LMBRD1: variants seen among roughly 807,000 people sequenced by gnomAD.
LMBRD1 encodes lysosomal cobalamin transport escort protein LMBD1.
In LMBRD1, 64 loss-of-function variants were observed where a neutral mutation model predicts 74.8. That is an observed-to-expected ratio of 0.86 (90% confidence interval 0.70 to 1.05). LMBRD1 has a LOEUF of 1.05. Among genes scored for constraint, LMBRD1 ranks in the 50% least tolerant of loss-of-function variants. LMBRD1 has a pLI of 0.00. For synonymous variants in LMBRD1, 204 were observed against 216.3 expected, an observed-to-expected ratio of 0.94 and a Z score of 0.50; for missense variants, 652 against 645.9, an observed-to-expected ratio of 1.01 and a Z score of -0.10.
rs142493686 is a variant in LMBRD1, at chr6:69,679,216, T to C, written c.1418-2675A>G. Among the ~76,000 whole-genome samples, 14 of 152,262 alleles carry C rather than the reference T, an allele frequency of 9.2e-5. No individual in the cohort carries two copies. The East Asian group carries it at 1.9e-3, about 21-fold the overall frequency. ...TCAACAGAAAAGTCTAGAATGAATA[T>C]TCACAGTTTTCTAAGAAAACCAGAA... On this transcript the variant is annotated intron_variant, in intron 14 of 15. Transcript: ENST00000649934.
At chr6:69,687,635 T>C (rs1241835576) in intron 14 of LMBRD1, among the ~76,000 whole-genome samples, 1 of 152,222 alleles carries the variant, frequency 6.6e-6, no homozygotes, top group Non-Finnish European at 1.5e-5. Flanking sequence ...AGAAGATATG[T>C]CAATATATTC....
chr6:69,796,896 C>T lies in LMBRD1; in HGVS notation c.-15G>A. On this transcript the variant is annotated 5_prime_UTR_variant, in exon 1 of 16. Coordinates refer to ENST00000649934, the MANE Select transcript of LMBRD1 (RefSeq NM_018368.4). ...GAAGTCGCCATCTTCGCTTCCGGTCCAGACCAACCTGAGCGCCCGGGGTGG... is the reference window on the plus strand; with the variant it reads ...GAAGTCGCCATCTTCGCTTCCGGTCTAGACCAACCTGAGCGCCCGGGGTGG... 1 of 1,613,516 alleles carries T rather than the reference C, an allele frequency of 6.2e-7. No homozygotes were observed. Among genetic ancestry groups the T allele is most frequent in the African/African-American group, 1.3e-5 (1 of 75,022 alleles).
intron 9 of LMBRD1, chr6:69,706,238 G>A (rs1030223944): frequency 1.6e-5 from 6 of 365,670 alleles, no homozygotes; most frequent in Non-Finnish European, 3.1e-5. Context: ...CAGCCGCACA[G>A]GACAGAATCA....
chr6:69,703,578 T>TA (rs1307908744), intron 9 of LMBRD1, among the ~76,000 whole-genome samples: 1 of 151,800 alleles, frequency 6.6e-6, no homozygotes, highest in Non-Finnish European at 1.5e-5. Flanking sequence ...AGAACAAATG[T>TA]AAAAAATACA....
chr6:69,740,339 G>C (rs1316122483), intron 6 of LMBRD1, among the ~76,000 whole-genome samples: 2 of 152,040 alleles, frequency 1.3e-5, no homozygotes, highest in Non-Finnish European at 2.9e-5. Flanking sequence ...ACAAAAAACA[G>C]AATAATGCTA....
chr6:69,711,021 A>G (rs1296131030), intron 9 of LMBRD1, among the ~76,000 whole-genome samples: 1 of 152,228 alleles, frequency 6.6e-6, no homozygotes, highest in African/African-American at 2.4e-5. Flanking sequence ...TATTAGCATT[A>G]TTCATTATAG....
rs147270670 is a variant in LMBRD1, at chr6:69,699,041, A to G, written c.1338+2T>C. ...TAATCAAGTTTCAAATATTTCACTT[A>G]CCTCTATTAAGTAATTTTGGCTTCC... On this transcript the variant is annotated splice_donor_variant, in intron 13 of 15. Transcript: ENST00000649934. LOFTEE classifies it high-confidence loss of function. 60 of 1,563,866 alleles carry G rather than the reference A, an allele frequency of 3.8e-5. No homozygotes were observed. In the African/African-American group the frequency reaches 6.5e-4, roughly 17 times the overall value.
At chr6:69,710,600 G>C (rs1041189111) in intron 9 of LMBRD1, among the ~76,000 whole-genome samples, 1 of 152,110 alleles carries the variant, frequency 6.6e-6, no homozygotes, top group Non-Finnish European at 1.5e-5. Context: ...CAAAGTGCTA[G>C]ATCCAGACTA....
chr6:69,696,294 T>C (rs1765995351), intron 14 of LMBRD1, among the ~76,000 whole-genome samples: 3 of 152,180 alleles, frequency 2.0e-5, no homozygotes, highest in African/African-American at 7.2e-5. Flanking sequence ...TCAACTCTCT[T>C]GGATTATTTT....
intron 1 of LMBRD1, among the ~76,000 whole-genome samples, chr6:69,795,305 T>C (rs1766193369): frequency 6.6e-6 from 1 of 152,250 alleles, no homozygotes; most frequent in Non-Finnish European, 1.5e-5. Flanking sequence ...ATCCAAACTC[T>C]ACCACAATTC....
chr6:69,788,032 C>G (rs1765994704), intron 2 of LMBRD1, among the ~76,000 whole-genome samples: 1 of 152,092 alleles, frequency 6.6e-6, no homozygotes, highest in South Asian at 2.1e-4. Context: ...CAAAACAAAC[C>G]TATTTCCTAG....
In LMBRD1 at chr6:69,676,114, CAG is replaced by C; in HGVS notation, c.*42_*43del. ...AGTTTAATACTTTAAAAATGCATAA[CAG>C]ATATTCAGTCAGCATTATAAAACCT... On this transcript the variant is annotated 3_prime_UTR_variant, in exon 16 of 16. Coordinates refer to ENST00000649934, the MANE Select transcript of LMBRD1 (RefSeq NM_018368.4). 6.9e-7 allele frequency: 1 copy of C among 1,457,926 alleles called. No individual in the cohort carries two copies. Among genetic ancestry groups the C allele is most frequent in the South Asian group, 1.1e-5 (1 of 87,620 alleles). The allele number at this position is 1,457,926 out of a possible 1,614,324, so 90.3% of individuals were successfully genotyped here. A position where few individuals can be genotyped will look rare whatever the true frequency, so the allele number is the denominator to read the frequency against.
chr6:69,712,951 T>G, intron 9 of LMBRD1, among the ~76,000 whole-genome samples: 1 of 152,248 alleles, frequency 6.6e-6, no homozygotes. Flanking sequence ...AATGTGGTGA[T>G]AGCAACATAA....
At chr6:69,706,029 T>TA (rs201436580) in intron 9 of LMBRD1, 12,789 of 748,674 alleles carry the variant, frequency 0.017, 158 homozygotes, top group Non-Finnish European at 0.023. Context: ...TGACCGTTCT[T>TA]AAAGATAACT....
chr6:69,767,422 CTCCAA>C (rs1347737561), intron 3 of LMBRD1, among the ~76,000 whole-genome samples: 1 of 151,650 alleles, frequency 6.6e-6, no homozygotes, highest in East Asian at 1.9e-4. Context: ...TCAAAATATT[CTCCAA>C]TCTACCTTGT....
intron 3 of LMBRD1, among the ~76,000 whole-genome samples, chr6:69,764,563 A>G (rs1765440907): frequency 6.6e-6 from 1 of 152,182 alleles, no homozygotes; most frequent in African/African-American, 2.4e-5. Context: ...CGTAATTTAC[A>G]TTTCCCTAAT....
intron 5 of LMBRD1, among the ~76,000 whole-genome samples, chr6:69,748,257 G>A (rs552268737): frequency 4.6e-5 from 7 of 152,176 alleles, no homozygotes; most frequent in African/African-American, 9.6e-5. Flanking sequence ...GCTGATTCCC[G>A]CTCCAGATAA....
chr6:69,721,033 T>C (rs924005305), intron 7 of LMBRD1, among the ~76,000 whole-genome samples: 29 of 152,312 alleles, frequency 1.9e-4, no homozygotes, highest in African/African-American at 6.5e-4. Context: ...TGCCCATGCA[T>C]AGAAGGAACA....
intron 7 of LMBRD1, among the ~76,000 whole-genome samples, chr6:69,733,788 C>A (rs1766914294): frequency 6.6e-6 from 1 of 152,162 alleles, no homozygotes; most frequent in South Asian, 2.1e-4. Flanking sequence ...TTTGACTTAC[C>A]TTTGAATAAG....
Sources: gnomAD v4.1 joint callset for allele counts (sites outside exome capture counted in the v4.1 genomes callset) on GRCh38, gnomAD v4.1.1 for gene constraint, MANE v1.5 for transcripts, NCBI Gene and HGNC (gene_info 2026-07-23, HGNC 2026-07-21) for gene names.